KIF5B: variants seen among roughly 807,000 people sequenced by gnomAD.
KIF5B encodes the protein kinesin-1 heavy chain.
KIF5B carries 49 observed loss-of-function variants against 132.8 expected under a neutral mutation model. That is an observed-to-expected ratio of 0.37 (90% CI 0.29 to 0.47). The LOEUF (loss-of-function observed/expected upper bound fraction) is 0.47, where lower values mean the gene tolerates loss of function less well. Ranked by LOEUF, KIF5B falls within the 20% of genes least tolerant of loss-of-function variation. KIF5B has a pLI of 1.00. For synonymous variants in KIF5B, 355 were observed against 369.4 expected, an observed-to-expected ratio of 0.96 and a Z score of 0.45; for missense variants, 780 against 1,144.0, an observed-to-expected ratio of 0.68 and a Z score of 4.59.
intron 11 of KIF5B, 60 bp downstream of exon 11, chr10:32,034,630 G>A (rs1592447724): frequency 1.2e-5 from 15 of 1,265,900 alleles, no homozygotes; most frequent in Middle Eastern, 4.5e-4. Context: ...CTATTTCTAC[G>A]TTTCTATGCT....
chr10:32,024,556 G>C (rs1444941640), intron 15 of KIF5B, among the ~76,000 whole-genome samples: 3 of 151,542 alleles, frequency 2.0e-5, no homozygotes, highest in Admixed American at 6.6e-5. Context: ...CTGAGGTCAG[G>C]AGTTCAAGAC....
intron 17 of KIF5B, 101 bp downstream of exon 17, chr10:32,022,039 A>G: frequency 1.6e-6 from 1 of 634,524 alleles, no homozygotes; most frequent in Non-Finnish European, 2.8e-6. Flanking sequence ...ATTCGAAATC[A>G]GCCATATTCC....
At chr10:32,055,585 T>G (rs1239801151) in intron 1 of KIF5B, among the ~76,000 whole-genome samples, 3 of 152,080 alleles carry the variant, frequency 2.0e-5, no homozygotes, top group Non-Finnish European at 4.4e-5. Context: ...CGTTCCTCCA[T>G]TGCCCCAGGT....
chr10:32,035,866 G>A (rs766997321), intron 9 of KIF5B, 24 bp downstream of exon 9: 2 of 1,555,538 alleles, frequency 1.3e-6, no homozygotes, highest in South Asian at 2.3e-5. Context: ...AGGTAACAGG[G>A]AGATAGAAGA....
rs7090743 is a variant in KIF5B, at chr10:32,049,771, A to G, written c.127-1220T>C. Among the ~76,000 whole-genome samples the G allele has an allele frequency of 6.5e-3, 988 of 152,280 alleles. 9 individuals are homozygous for G. The highest frequency in any genetic ancestry group is 0.023 in the African/African-American group (951 of 41,524). The stretch of plus-strand genomic sequence containing the variant: ...CAGTGGTGTCCATGCAAGTCAAAAA[A>G]TAATAATTTTCAAGGAGGGAGTGAT... On this transcript the variant is annotated intron_variant, in intron 1 of 25. Coordinates refer to ENST00000302418, the MANE Select transcript of KIF5B (RefSeq NM_004521.3).
intron 8 of KIF5B, among the ~76,000 whole-genome samples, chr10:32,036,480 C>A (rs1841460915): frequency 6.6e-6 from 1 of 151,772 alleles, no homozygotes; most frequent in Non-Finnish European, 1.5e-5. Flanking sequence ...AGTGCAGTGG[C>A]TTGATCCCAG....
chr10:32,048,525 C>T lies in KIF5B; in HGVS notation c.153G>A (p.Val51=). The part of the protein sequence containing the change: ...IASKPYAFDR[V]FQSSTSQEQV... Reference sequence around the variant, plus strand: ...GCTCTTGAGATGTGCTTGACTGGAACACCCGATCAAATGCATAAGGCTTGG... The same window carrying T: ...GCTCTTGAGATGTGCTTGACTGGAATACCCGATCAAATGCATAAGGCTTGG... The change falls in exon 2 of 26, where the codon GTG becomes GTA. Residue 51 remains valine (V), a synonymous_variant. Coordinates refer to ENST00000302418, the MANE Select transcript of KIF5B (RefSeq NM_004521.3). 2 of 1,613,634 alleles carry T rather than the reference C, an allele frequency of 1.2e-6. No homozygotes were observed. The highest frequency in any genetic ancestry group is 1.7e-6 in the Non-Finnish European group (2 of 1,179,778).
rs758404116 is a variant in KIF5B at position 32,033,978 on chromosome 10, G to T, written c.1172C>A (p.Thr391Lys). ...GGTAAGAGTAATATCTTTATCCACT[G>T]TGAAAGCTTCCAAGTTGGCTTTCTC... is the stretch of plus-strand genomic sequence containing the variant. Reference protein sequence around the residue: ...DKEKANLEAFTVDKDITLTND... With the variant: ...DKEKANLEAFKVDKDITLTND... Residue 391 changes from threonine (T) to lysine (K), a missense_variant, in exon 12 of 26, where the codon ACA becomes AAA. Transcript: ENST00000302418. 1 of 1,605,540 alleles carries T rather than the reference G, an allele frequency of 6.2e-7. No homozygotes were observed. Among genetic ancestry groups the T allele is most frequent in the South Asian group, 1.1e-5 (1 of 89,046 alleles).
At chr10:32,053,988 G>A (rs982392199) in intron 1 of KIF5B, among the ~76,000 whole-genome samples, 1 of 152,030 alleles carries the variant, frequency 6.6e-6, no homozygotes. Context: ...AGTTCATGTC[G>A]TATTTGTGCC....
chr10:32,040,300 T>A (rs2132607356), intron 3 of KIF5B, 84 bp downstream of exon 3: 1 of 827,416 alleles, frequency 1.2e-6, no homozygotes, highest in East Asian at 2.4e-5. Context: ...AATTAAAATG[T>A]TTATGCATGG....
chr10:32,015,483 T>G (rs1401501412), intron 25 of KIF5B, 26 bp downstream of exon 25: 15 of 1,491,602 alleles, frequency 1.0e-5, no homozygotes, highest in Non-Finnish European at 1.3e-5. Flanking sequence ...CAAACAGATA[T>G]GAAAAGCCAG....
chr10:32,029,295 G>A (rs767600539), intron 14 of KIF5B, among the ~76,000 whole-genome samples: 7 of 152,184 alleles, frequency 4.6e-5, no homozygotes, highest in African/African-American at 7.2e-5. Context: ...AATGCTCACT[G>A]AAGCATTTTG....
At chr10:32,047,841 G>A (rs1205980532) in intron 2 of KIF5B, among the ~76,000 whole-genome samples, 1 of 152,144 alleles carries the variant, frequency 6.6e-6, no homozygotes, top group African/African-American at 2.4e-5. Context: ...ATATCACAAA[G>A]TAACAGCCAT....
chr10:32,053,590 A>G (rs211296), intron 1 of KIF5B, among the ~76,000 whole-genome samples: 32,201 of 151,822 alleles, frequency 0.21, 3,597 homozygotes, highest in Non-Finnish European at 0.25. Context: ...TGGGCGTGGT[A>G]GCGCGTGCCT....
intron 2 of KIF5B, among the ~76,000 whole-genome samples, chr10:32,046,833 G>A (rs1021085417): frequency 6.6e-6 from 1 of 152,088 alleles, no homozygotes; most frequent in Admixed American, 6.6e-5. Context: ...ATCAACTTAC[G>A]ATGGGGTTAC....
rs541024151 is a variant in KIF5B, at chr10:32,044,883, T to C, written c.214+3581A>G. On this transcript the variant is annotated intron_variant, in intron 2 of 25. Coordinates refer to ENST00000302418, the MANE Select transcript of KIF5B (RefSeq NM_004521.3). ...CTGTCTGATTCTAAAGATTATACTC[T>C]TACCATATTACAGAGAAGGGAACTA... Among the ~76,000 whole-genome samples, 24 of 152,234 alleles carry C rather than the reference T, an allele frequency of 1.6e-4. No homozygotes were observed. In the South Asian group the frequency reaches 5.0e-3, roughly 32 times the overall value.
chr10:32,033,993 T>G lies in KIF5B; in HGVS notation c.1157A>C (p.Asn386Thr), dbSNP rs766599011. The change falls in exon 12 of 26, where the codon AAC becomes ACC. Residue 386 changes from asparagine to threonine, a missense_variant. By Grantham distance (65) the Asn-to-Thr change is moderately conservative. Around this residue, in one of 9 missense-constraint regions of KIF5B, gnomAD observed 471 missense variants for 569.9 expected, o/e 0.83. Coordinates refer to ENST00000302418, the MANE Select transcript of KIF5B (RefSeq NM_004521.3). ...TTTATCCACTGTGAAAGCTTCCAAG[T>G]TGGCTTTCTCTTTGTCAAACTGTTC... ...IDEQFDKEKA[N>T]LEAFTVDKDI... The G allele has an allele frequency of 5.0e-6, 8 of 1,602,554 alleles. No individual in the cohort carries two copies. Among genetic ancestry groups the G allele is most frequent in the Non-Finnish European group, 6.8e-6 (8 of 1,175,052 alleles).
At chr10:32,048,238 T>C (rs1841640076) in intron 2 of KIF5B, among the ~76,000 whole-genome samples, 1 of 152,232 alleles carries the variant, frequency 6.6e-6, no homozygotes, top group African/African-American at 2.4e-5. Context: ...GTAACATAGT[T>C]CTCATAATAA....
intron 2 of KIF5B, among the ~76,000 whole-genome samples, chr10:32,045,957 T>C (rs1841602482): frequency 1.3e-5 from 2 of 152,182 alleles, no homozygotes; most frequent in Non-Finnish European, 2.9e-5. Context: ...CCATGACCCA[T>C]TAAGCACTTT....
Sources: gnomAD v4.1 joint callset for allele counts (sites outside exome capture counted in the v4.1 genomes callset) on GRCh38, gnomAD v4.1.1 for gene constraint, gnomAD v4.1.1 regional missense constraint, MANE v1.5 for transcripts, NCBI Gene and HGNC (gene_info 2026-07-23, HGNC 2026-07-21) for gene names.